The following EYS variants were observed in gnomAD, a reference collection of about 807,000 sequenced individuals.
EYS encodes protein eyes shut homolog.
Under a neutral mutation model 282.1 loss-of-function variants are expected in EYS, and 250 were observed. The ratio of observed to expected loss-of-function variants is 0.89; its 90% CI spans 0.80 to 0.98. EYS has a LOEUF of 0.98. Ranked by LOEUF, EYS falls within the 50% of genes least tolerant of loss-of-function variation. The pLI is 0.00. For missense variants in EYS, 4,016 were observed against 3,709.0 expected (o/e 1.08, Z -2.15); for synonymous variants, 1,355 against 1,282.9 (o/e 1.06, Z -1.20).
intron 26 of EYS, among the ~76,000 whole-genome samples, chr6:64,453,226 C>T (rs1356121697): frequency 6.6e-6 from 1 of 152,092 alleles, no homozygotes; most frequent in South Asian, 2.1e-4. Flanking sequence ...CAAGAGAAGA[C>T]ATTTATGCAG....
At chr6:64,445,742 C>T (rs1021906401) in intron 26 of EYS, among the ~76,000 whole-genome samples, 36 of 152,184 alleles carry the variant, frequency 2.4e-4, no homozygotes, top group Non-Finnish European at 2.6e-4. Flanking sequence ...CAAAACTGTT[C>T]TTCTGTAATA....
intron 12 of EYS, among the ~76,000 whole-genome samples, chr6:65,255,268 C>A (rs1002727959): frequency 6.6e-6 from 1 of 151,902 alleles, no homozygotes; most frequent in African/African-American, 2.4e-5. Context: ...CAAAAATATA[C>A]ACTGGGGAAA....
intron 31 of EYS, among the ~76,000 whole-genome samples, chr6:64,204,877 T>G (rs1388680761): frequency 6.6e-6 from 1 of 152,150 alleles, no homozygotes; most frequent in East Asian, 1.9e-4. Flanking sequence ...AATATTGAGC[T>G]CCATAATATG....
intron 28 of EYS, among the ~76,000 whole-genome samples, chr6:64,421,331 A>C (rs998114373): frequency 1.2e-4 from 19 of 152,110 alleles, no homozygotes; most frequent in Non-Finnish European, 2.1e-4. Flanking sequence ...CTGTGATTCA[A>C]TCACCTCCTA....
chr6:64,482,021 G>T (rs1161770928), intron 26 of EYS, among the ~76,000 whole-genome samples: 1 of 151,652 alleles, frequency 6.6e-6, no homozygotes, highest in East Asian at 1.9e-4. Flanking sequence ...CTCAGGTTTG[G>T]TTAACTCAGC....
intron 15 of EYS, among the ~76,000 whole-genome samples, chr6:64,925,455 T>C (rs1202064101): frequency 6.6e-6 from 1 of 152,112 alleles, no homozygotes; most frequent in African/African-American, 2.4e-5. Flanking sequence ...CTCATTGTGG[T>C]AGCGATGTGC....
chr6:65,455,985 AAGAG>A (rs34787504), intron 5 of EYS, among the ~76,000 whole-genome samples: 27,059 of 149,698 alleles, frequency 0.18, 3,105 homozygotes, highest in Middle Eastern at 0.29. Flanking sequence ...GAAAGAAAGA[AAGAG>A]AGAGAGAAAG....
chr6:64,965,726 T>C (rs545436504), intron 14 of EYS, among the ~76,000 whole-genome samples: 5 of 152,280 alleles, frequency 3.3e-5, no homozygotes, highest in Admixed American at 3.3e-4. Flanking sequence ...ATATGCTCCT[T>C]GATTGCTTGC....
At chr6:65,335,216 G>A in intron 10 of EYS, 70 bp from the exon 11 acceptor site, 1 of 1,014,120 alleles carries the variant, frequency 9.9e-7, no homozygotes, top group Non-Finnish European at 1.5e-6. Flanking sequence ...ATTGTGACCT[G>A]AGAGATCATG....
At chr6:65,159,143 C>G (rs1764794279) in intron 12 of EYS, among the ~76,000 whole-genome samples, 1 of 150,810 alleles carries the variant, frequency 6.6e-6, no homozygotes, top group Non-Finnish European at 1.5e-5. Flanking sequence ...CCCCTCTATT[C>G]AAGTTTAAGT....
chr6:65,234,278 GCT>G (rs934956192), intron 12 of EYS, among the ~76,000 whole-genome samples: 8 of 152,010 alleles, frequency 5.3e-5, no homozygotes, highest in African/African-American at 1.7e-4. Context: ...TGGTACTCCG[GCT>G]CTAAGAGTAA....
At chr6:64,659,992 A>T (rs1768932252) in intron 22 of EYS, among the ~76,000 whole-genome samples, 1 of 152,186 alleles carries the variant, frequency 6.6e-6, no homozygotes, top group South Asian at 2.1e-4. Flanking sequence ...CCTCAATAAA[A>T]TACTGGCAAA....
Position 63,726,654 on chromosome 6 carries a change from T to A in EYS, c.8098A>T (p.Arg2700Ter), listed in dbSNP as rs1768627952. 1.9e-6 allele frequency: 3 copies of A among 1,551,208 alleles called. No homozygotes were observed. The highest frequency in any genetic ancestry group is 2.6e-6 in the Non-Finnish European group (3 of 1,146,734). Reference sequence around the variant, plus strand: ...GACATCCAGGATAACTCATTGCTTCTGAAAGATGGATCACTTATGGATAAA... The same window carrying A: ...GACATCCAGGATAACTCATTGCTTCAGAAAGATGGATCACTTATGGATAAA... ...QALSISDPSF[R>*]SNELSWMSFA... Residue 2700 changes from arginine (R) to a stop codon, truncating the protein, a stop_gained, in exon 42 of 43, where the codon AGA (arginine) becomes TGA (stop). Transcript: ENST00000503581. LOFTEE classifies it high-confidence loss of function.
At chr6:64,852,530 C>G (rs1282861211) in intron 19 of EYS, among the ~76,000 whole-genome samples, 1 of 152,012 alleles carries the variant, frequency 6.6e-6, no homozygotes, top group East Asian at 1.9e-4. Flanking sequence ...TAATAAACTC[C>G]CCTTTACATA....
chr6:65,516,142 A>C (rs1004926541), intron 2 of EYS, among the ~76,000 whole-genome samples: 1 of 152,108 alleles, frequency 6.6e-6, no homozygotes, highest in Non-Finnish European at 1.5e-5. Context: ...GAAACCATTA[A>C]AAGAGAACAT....
chr6:64,223,353 A>G (rs970866329), intron 31 of EYS, among the ~76,000 whole-genome samples: 1 of 152,082 alleles, frequency 6.6e-6, no homozygotes, highest in East Asian at 1.9e-4. Context: ...AATTCATCAA[A>G]TGTTAAGTTT....
chr6:64,687,781 T>C (rs947897179), intron 22 of EYS, among the ~76,000 whole-genome samples: 5 of 152,218 alleles, frequency 3.3e-5, no homozygotes, highest in African/African-American at 1.2e-4. Context: ...ATTGGAATAG[T>C]TTCAGAAGGA....
rs917955742 is a variant in EYS, at chr6:65,558,804, G to A, written c.-332-62811C>T. 5.9e-5 allele frequency among the ~76,000 whole-genome samples: 9 copies of A among 152,252 alleles called. No individual in the cohort carries two copies. The Middle Eastern group carries it at 0.017, about 290-fold the overall frequency. ...GGCCTATGTCTGGAGAACACACAGAGGATAATTCTAACAATGTCAAATCTA... is the reference window on the plus strand; with the variant it reads ...GGCCTATGTCTGGAGAACACACAGAAGATAATTCTAACAATGTCAAATCTA... On this transcript the variant is annotated intron_variant, in intron 2 of 42. Coordinates refer to ENST00000503581, the MANE Select transcript of EYS (RefSeq NM_001142800.2).
At chr6:64,468,334 G>A (rs1775990198) in intron 26 of EYS, among the ~76,000 whole-genome samples, 1 of 152,158 alleles carries the variant, frequency 6.6e-6, no homozygotes, top group South Asian at 2.1e-4. Flanking sequence ...AACCTTTCCT[G>A]AACAACATCA....
Sources: allele counts gnomAD v4.1 joint callset (sites outside exome capture counted in the v4.1 genomes callset), GRCh38; gene constraint gnomAD v4.1.1; transcripts MANE v1.5; gene names NCBI Gene and HGNC (gene_info 2026-07-23, HGNC 2026-07-21).